ANOS1: variants seen among roughly 807,000 people sequenced by gnomAD.
The protein encoded by ANOS1 is anosmin-1.
A neutral mutation model predicts 59.0 loss-of-function variants in ANOS1; 6 were observed. The observed-to-expected ratio is 0.10, with a 90% confidence interval of 0.06 to 0.20. The LOEUF (loss-of-function observed/expected upper bound fraction) is 0.20, where lower values mean the gene tolerates loss of function less well. Ranked by LOEUF, ANOS1 falls within the 10% of genes least tolerant of loss-of-function variation. The probability of loss-of-function intolerance (pLI) is 1.00; values close to 1 mark genes in which losing one functional copy is unlikely to be tolerated. For missense variants in ANOS1, 433 were observed against 542.3 expected, an observed-to-expected ratio of 0.80 and a Z score of 2.00; for synonymous variants, 217 against 223.4, an observed-to-expected ratio of 0.97 and a Z score of 0.25.
chrX:8,661,942 A>G (rs936266649), intron 2 of ANOS1, among the ~76,000 whole-genome samples: 7 of 112,251 alleles, frequency 6.2e-5, no homozygotes, highest in Admixed American at 9.4e-5. Context: ...AAACACTCCA[A>G]TGAAATGGAG....
At chrX:8,569,432 G>A (rs2146806110) in intron 7 of ANOS1, among the ~76,000 whole-genome samples, 1 of 112,420 alleles carries the variant, frequency 8.9e-6, no homozygotes, top group South Asian at 3.7e-4. Flanking sequence ...CACGAGGTCA[G>A]GAGATAGAGA....
intron 8 of ANOS1, among the ~76,000 whole-genome samples, chrX:8,563,683 T>C (rs1987177754): frequency 8.9e-6 from 1 of 112,312 alleles, no homozygotes; most frequent in East Asian, 2.8e-4. Context: ...CAGAGCTGGT[T>C]GAATGGAAAG....
At chrX:8,612,112 T>C (rs951476638) in intron 3 of ANOS1, among the ~76,000 whole-genome samples, 14 of 111,729 alleles carry the variant, frequency 1.3e-4, no homozygotes, top group African/African-American at 4.5e-4. Context: ...TCATTCAAGA[T>C]GAAACATACT....
At chrX:8,713,041 T>C (rs1932821176) in intron 1 of ANOS1, among the ~76,000 whole-genome samples, 1 of 111,054 alleles carries the variant, frequency 9.0e-6, no homozygotes, top group Non-Finnish European at 1.9e-5. Context: ...GACAATGGCC[T>C]CTTCATCTGT....
Position 8,685,613 on chromosome X carries a change from A to G in ANOS1, c.255+14085T>C, listed in dbSNP as rs865833827. On this transcript the variant is annotated intron_variant, in intron 2 of 13. Transcript: ENST00000262648. ...GAAAGAAAGGAAGAAAGAAAGAAAG[A>G]AAGAAAGAAAGAAAGAAAGAAAGAA... Among the ~76,000 whole-genome samples the G allele has an allele frequency of 3.7e-4, 33 of 90,013 alleles. No homozygotes were observed. The East Asian group carries it at 9.5e-3, about 26-fold the overall frequency. The allele number at this position is 90,013 out of a possible 115,157, so 78.2% of individuals were successfully genotyped here. A position where few individuals can be genotyped will look rare whatever the true frequency, so the allele number is the denominator to read the frequency against.
At chrX:8,562,615 G>A (rs1601954830) in intron 8 of ANOS1, among the ~76,000 whole-genome samples, 3 of 112,315 alleles carry the variant, frequency 2.7e-5, no homozygotes, top group East Asian at 5.6e-4. Context: ...GAGATTCAGA[G>A]TATTTTCTCT....
intron 2 of ANOS1, among the ~76,000 whole-genome samples, chrX:8,656,193 A>T (rs1192644441): frequency 8.9e-5 from 10 of 112,565 alleles, no homozygotes; most frequent in Non-Finnish European, 1.5e-4. Flanking sequence ...GCATTCCCGC[A>T]AATGTGTCAA....
chrX:8,576,957 A>G (rs1930338209), intron 6 of ANOS1, among the ~76,000 whole-genome samples: 2 of 110,747 alleles, frequency 1.8e-5, no homozygotes, highest in Non-Finnish European at 1.9e-5. Flanking sequence ...TGCGGACCAT[A>G]TGGTCTCCGT....
At chrX:8,585,507 G>A in intron 5 of ANOS1, 111 bp from the exon 6 acceptor site, 3 of 873,886 alleles carry the variant, frequency 3.4e-6, no homozygotes, top group Non-Finnish European at 5.0e-6. Flanking sequence ...AACTCAGTCT[G>A]TCTTCCCCCT....
At chrX:8,654,684 A>G (rs1931903010) in intron 2 of ANOS1, among the ~76,000 whole-genome samples, 2 of 111,891 alleles carry the variant, frequency 1.8e-5, no homozygotes, top group South Asian at 7.5e-4. Flanking sequence ...CGGTGTGTTG[A>G]CATGATTTCT....
chrX:8,625,557 C>T (rs961317066), intron 2 of ANOS1, among the ~76,000 whole-genome samples: 3 of 112,227 alleles, frequency 2.7e-5, no homozygotes, highest in Non-Finnish European at 5.6e-5. Flanking sequence ...TCTGAAGAAA[C>T]TTAATTTTCA....
chrX:8,540,730 T>C (rs937231065), intron 9 of ANOS1, among the ~76,000 whole-genome samples: 1 of 107,215 alleles, frequency 9.3e-6, no homozygotes, highest in Admixed American at 1.0e-4. Context: ...TTGATGAAAT[T>C]GGGTTGATCT....
At chrX:8,694,164 G>A (rs1932648953) in intron 2 of ANOS1, among the ~76,000 whole-genome samples, 3 of 111,936 alleles carry the variant, frequency 2.7e-5, no homozygotes, top group African/African-American at 9.7e-5. Flanking sequence ...CATAGTAGAT[G>A]CTCAGTGAGT....
intron 6 of ANOS1, among the ~76,000 whole-genome samples, chrX:8,579,399 T>C (rs1025999749): frequency 8.9e-6 from 1 of 112,391 alleles, no homozygotes; most frequent in African/African-American, 3.2e-5. Context: ...GATGCCTGTG[T>C]CTGATTATTA....
At chrX:8,616,540 C>T (rs1368043494) in intron 3 of ANOS1, among the ~76,000 whole-genome samples, 2 of 111,637 alleles carry the variant, frequency 1.8e-5, no homozygotes, top group East Asian at 2.8e-4. Flanking sequence ...ACATCTCATA[C>T]GGATTTCCAT....
intron 1 of ANOS1, among the ~76,000 whole-genome samples, chrX:8,704,513 G>A (rs1399433215): frequency 8.9e-6 from 1 of 112,007 alleles, no homozygotes; most frequent in Non-Finnish European, 1.9e-5. Flanking sequence ...TAGCCACAGA[G>A]CCTATTTTGA....
At chrX:8,714,559 T>G (rs1020749430) in intron 1 of ANOS1, among the ~76,000 whole-genome samples, 1 of 111,497 alleles carries the variant, frequency 9.0e-6, no homozygotes, top group African/African-American at 3.3e-5. Context: ...TATTTCCATG[T>G]GCTTCCCTAC....
intron 5 of ANOS1, among the ~76,000 whole-genome samples, chrX:8,587,304 T>C (rs1930535407): frequency 8.9e-6 from 1 of 111,860 alleles, no homozygotes; most frequent in East Asian, 2.8e-4. Context: ...AAGTACTTAG[T>C]GAAGATTTAT....
chrX:8,569,302 A>G (rs1338645535), intron 7 of ANOS1, among the ~76,000 whole-genome samples: 1 of 112,225 alleles, frequency 8.9e-6, no homozygotes, highest in African/African-American at 3.2e-5. Flanking sequence ...TATCATTTGT[A>G]GCAAAATCCT....
Sources: gnomAD v4.1 joint callset for allele counts (sites outside exome capture counted in the v4.1 genomes callset) on GRCh38, gnomAD v4.1.1 for gene constraint, MANE v1.5 for transcripts, NCBI Gene and HGNC (gene_info 2026-07-23, HGNC 2026-07-21) for gene names.